Variants in PRRX2 observed in about 807,000 individuals in gnomAD.
PRRX2 encodes the protein paired related homeobox 2.
Under a neutral mutation model 18.0 loss-of-function variants are expected in PRRX2, and 11 were observed. The observed-to-expected ratio is 0.61, with a 90% CI of 0.39 to 1.01. The LOEUF (loss-of-function observed/expected upper bound fraction) is 1.01, where lower values mean the gene tolerates loss of function less well. PRRX2 is among the 50% of genes least tolerant of loss of function. The probability of loss-of-function intolerance (pLI) is 0.01; values close to 1 mark genes in which losing one functional copy is unlikely to be tolerated. For missense variants in PRRX2, 387 were observed against 351.0 expected, an observed-to-expected ratio of 1.10 and a Z score of -0.82; for synonymous variants, 177 against 154.8, an observed-to-expected ratio of 1.14 and a Z score of -1.06.
chr9:129,686,140 T>C (rs1311279672), intron 1 of PRRX2, among the ~76,000 whole-genome samples: 3 of 152,056 alleles, frequency 2.0e-5, no homozygotes, highest in Non-Finnish European at 2.9e-5. Context: ...GTGGGGCTCG[T>C]AGGGGGCAGG....
rs552520403 is a variant in PRRX2 at position 129,722,656 on chromosome 9, AT to A, written c.*311del. The A allele has an allele frequency of 2.4e-5, 6 of 252,148 alleles. No individual in the cohort carries two copies. The highest frequency in any genetic ancestry group is 3.0e-5 in the Non-Finnish European group (4 of 133,936). The allele number at this position is 252,148 out of a possible 1,614,324, so 15.6% of individuals were successfully genotyped here. Reference sequence around the variant, plus strand: ...GCTTTTGTCTTTAAGAAATAAAACCATTTTTTTAAGCCCCAAAAGGTTGCAG... The same window carrying A: ...GCTTTTGTCTTTAAGAAATAAAACCATTTTTTAAGCCCCAAAAGGTTGCAG... On this transcript the variant is annotated 3_prime_UTR_variant, in exon 4 of 4. Transcript: ENST00000372469.
At position 129,715,446 on chromosome 9, in the gene PRRX2, C is replaced by G. The variant is rs1299082814; in HGVS notation, c.260-3785C>G. On this transcript the variant is annotated intron_variant, in intron 1 of 3. Coordinates refer to ENST00000372469, the MANE Select transcript of PRRX2 (RefSeq NM_016307.4). The surrounding 1 kb of genome is among the most constrained non-coding windows in gnomAD (Gnocchi z 4.0). ...ATCTCTACATTAAAATAAAAATCAG[C>G]TGGGCATGGTGGCAGGCACCTGTAG... 6.6e-6 allele frequency among the ~76,000 whole-genome samples: 1 copy of G among 152,094 alleles called. No individual in the cohort carries two copies. The highest frequency in any genetic ancestry group is 1.9e-4 in the East Asian group (1 of 5,198).
At chr9:129,688,565 C>T (rs941146204) in intron 1 of PRRX2, among the ~76,000 whole-genome samples, 8 of 152,186 alleles carry the variant, frequency 5.3e-5, no homozygotes, top group African/African-American at 7.2e-5. Flanking sequence ...GCATCATCCA[C>T]GTCAGGACAA....
In PRRX2 at chr9:129,720,611, C is replaced by T. The variant is rs1832776303; in HGVS notation, c.463C>T (p.Arg155Cys). The T allele has an allele frequency of 4.3e-6, 7 of 1,609,618 alleles. No homozygotes were observed. The highest frequency in any genetic ancestry group is 2.7e-5 in the African/African-American group (2 of 74,878). Residue 155 changes from arginine to cysteine, a missense_variant, in exon 3 of 4, where the codon CGC becomes TGC. By Grantham distance (180) the Arg-to-Cys change is radical. Coordinates refer to ENST00000372469, the MANE Select transcript of PRRX2 (RefSeq NM_016307.4). Reference sequence around the variant, plus strand: ...CCACCCACAGGTCTGGTTTCAGAACCGCCGCGCCAAGTTCCGCAGGAATGA... The same window carrying T: ...CCACCCACAGGTCTGGTTTCAGAACTGCCGCGCCAAGTTCCGCAGGAATGA... ...EARVQVWFQN[R>C]RAKFRRNERA...
intron 1 of PRRX2, among the ~76,000 whole-genome samples, chr9:129,687,999 G>A (rs1423397621): frequency 2.0e-5 from 3 of 151,986 alleles, no homozygotes; most frequent in Non-Finnish European, 1.5e-5. Context: ...GGGCTCAAGC[G>A]GTCCTCCTGC....
intron 1 of PRRX2, among the ~76,000 whole-genome samples, chr9:129,684,460 C>A (rs2417144): frequency 0.024 from 3,048 of 124,930 alleles, 122 homozygotes; most frequent in African/African-American, 0.071. Flanking sequence ...ACACACACAC[C>A]CAACAGAAAA....
intron 2 of PRRX2, among the ~76,000 whole-genome samples, chr9:129,719,650 G>A (rs116975319): frequency 6.6e-6 from 1 of 152,236 alleles, no homozygotes; most frequent in Non-Finnish European, 1.5e-5. Flanking sequence ...TGAGGATCAC[G>A]TAGGTCTTTG....
At chr9:129,712,903 TAG>T (rs1564154801) in intron 1 of PRRX2, 1 of 152,246 alleles carries the variant, frequency 6.6e-6, no homozygotes, top group East Asian at 1.9e-4. Context: ...GCCTGAGGCT[TAG>T]AGAGTATTTA....
intron 1 of PRRX2, among the ~76,000 whole-genome samples, chr9:129,707,884 A>T (rs1832576261): frequency 6.6e-6 from 1 of 152,080 alleles, no homozygotes; most frequent in Non-Finnish European, 1.5e-5. Context: ...TGTACCTAAG[A>T]GTGGAATTGC....
intron 1 of PRRX2, among the ~76,000 whole-genome samples, chr9:129,704,223 T>C (rs961311533): frequency 6.6e-6 from 1 of 152,178 alleles, no homozygotes; most frequent in Non-Finnish European, 1.5e-5. Context: ...GGCCTAGCCT[T>C]CATATGGGAT....
At chr9:129,680,246 A>G (rs1445385088) in intron 1 of PRRX2, among the ~76,000 whole-genome samples, 1 of 151,736 alleles carries the variant, frequency 6.6e-6, no homozygotes, top group African/African-American at 2.4e-5. Context: ...TACTAAAAAT[A>G]CGAAGTTAGC....
chr9:129,714,615 C>T (rs867216342), intron 1 of PRRX2, among the ~76,000 whole-genome samples: 17 of 152,070 alleles, frequency 1.1e-4, no homozygotes, highest in South Asian at 4.1e-4. Context: ...GTGTTGGGGG[C>T]GGTCTGGGGC....
In PRRX2 at chr9:129,695,452, T is replaced by A. The variant is rs531333966; in HGVS notation, c.260-23779T>A. Reference sequence around the variant, plus strand: ...ATTCCCGGTCTCTTGCTCTGGGCTTTACTTGACCAATGTGCTTCTTTGGTT... The same window carrying A: ...ATTCCCGGTCTCTTGCTCTGGGCTTAACTTGACCAATGTGCTTCTTTGGTT... On this transcript the variant is annotated intron_variant, in intron 1 of 3. Transcript: ENST00000372469. The surrounding 1 kb of genome is among the most constrained non-coding windows in gnomAD (Gnocchi z 4.8). 7.2e-5 allele frequency among the ~76,000 whole-genome samples: 11 copies of A among 152,350 alleles called. No homozygotes were observed. The South Asian group carries it at 1.7e-3, about 23-fold the overall frequency.
At chr9:129,721,016 CAT>C (rs112151070) in intron 3 of PRRX2, among the ~76,000 whole-genome samples, 10,630 of 152,262 alleles carry the variant, frequency 0.07, 1,046 homozygotes, top group African/African-American at 0.22. Flanking sequence ...TGTGGGCACA[CAT>C]GACTGTGAGT....
intron 1 of PRRX2, among the ~76,000 whole-genome samples, chr9:129,689,182 G>C (rs1228028149): frequency 6.6e-6 from 1 of 152,192 alleles, no homozygotes; most frequent in East Asian, 1.9e-4. Flanking sequence ...CCACCCCTAA[G>C]CTCTTCTCTG....
chr9:129,722,157 G>T, intron 3 of PRRX2, 60 bp from the exon 4 acceptor site: 1 of 1,578,466 alleles, frequency 6.3e-7, no homozygotes, highest in Non-Finnish European at 8.6e-7. Flanking sequence ...GGCTGGGGTC[G>T]AGCACTGATA....
chr9:129,685,634 C>G lies in PRRX2; in HGVS notation c.259+19508C>G, dbSNP rs189839986. Reference sequence around the variant, plus strand: ...TTGGGACTACAGGCATGAGCCACTGCGCCCGGCCAGTTTCCCTTCTTCACT... The same window carrying G: ...TTGGGACTACAGGCATGAGCCACTGGGCCCGGCCAGTTTCCCTTCTTCACT... On this transcript the variant is annotated intron_variant, in intron 1 of 3. Coordinates refer to ENST00000372469, the MANE Select transcript of PRRX2 (RefSeq NM_016307.4). Among the ~76,000 whole-genome samples the G allele has an allele frequency of 7.5e-3, 1,145 of 152,306 alleles. 11 individuals are homozygous for G. The highest frequency in any genetic ancestry group is 0.026 in the African/African-American group (1,078 of 41,572).
At chr9:129,721,675 G>T (rs1051361822) in intron 3 of PRRX2, among the ~76,000 whole-genome samples, 2 of 152,102 alleles carry the variant, frequency 1.3e-5, no homozygotes, top group African/African-American at 4.8e-5. Context: ...CGCCTCCCAG[G>T]CTCAAGCAAT....
rs149965728 is a variant in PRRX2 at position 129,715,663 on chromosome 9, G to C, written c.260-3568G>C. The stretch of plus-strand genomic sequence containing the variant: ...AGATCCTAGTAGCACCCCTTCCCCA[G>C]TCCTAACGATCAAAAATGTCTCACA... On this transcript the variant is annotated intron_variant, in intron 1 of 3. Coordinates refer to ENST00000372469, the MANE Select transcript of PRRX2 (RefSeq NM_016307.4). The surrounding 1 kb of genome is among the most constrained non-coding windows in gnomAD (Gnocchi z 4.0). 3.9e-3 allele frequency among the ~76,000 whole-genome samples: 593 copies of C among 151,902 alleles called. 3 individuals carry two copies. The highest frequency in any genetic ancestry group is 0.01 in the Middle Eastern group (3 of 294).
Sources: allele counts gnomAD v4.1 joint callset (sites outside exome capture counted in the v4.1 genomes callset), GRCh38; gene constraint gnomAD v4.1.1; non-coding constraint Gnocchi (gnomAD v3.1); transcripts MANE v1.5; gene names NCBI Gene and HGNC (gene_info 2026-07-23, HGNC 2026-07-21).